Variants in DISC1 observed in about 807,000 individuals in gnomAD.
DISC1 encodes the protein DISC1 scaffold protein.
Under a neutral mutation model 84.5 loss-of-function variants are expected in DISC1, and 57 were observed. The observed-to-expected ratio is 0.67, with a 90% CI of 0.55 to 0.84. DISC1 has a LOEUF of 0.84. Among genes scored for constraint, DISC1 ranks in the 40% least tolerant of loss-of-function variants. DISC1 has a pLI of 0.00. For synonymous variants in DISC1, 411 were observed against 415.2 expected (o/e 0.99, Z 0.12); for missense variants, 1,000 against 1,057.8 (o/e 0.95, Z 0.76).
At chr1:231,746,853 T>C (rs780511858) in intron 3 of DISC1, among the ~76,000 whole-genome samples, 21 of 152,220 alleles carry the variant, frequency 1.4e-4, no homozygotes, top group Non-Finnish European at 2.5e-4. Context: ...TTCTGGATAG[T>C]AATCCCCTGT....
chr1:231,854,622 C>G (rs1263321564), intron 9 of DISC1: 1 of 152,370 alleles, frequency 6.6e-6, no homozygotes, highest in African/African-American at 2.4e-5. Flanking sequence ...AGTTTGTATC[C>G]TAGACTTCAA....
chr1:231,686,703 T>C (rs1436243148), intron 1 of DISC1, among the ~76,000 whole-genome samples: 1 of 152,222 alleles, frequency 6.6e-6, no homozygotes, highest in Admixed American at 6.5e-5. Flanking sequence ...CTTATGCAAA[T>C]TCCTGCAGCT....
Position 231,959,419 on chromosome 1 carries a change from G to T in DISC1, c.2042+531G>T, listed in dbSNP as rs746440470. ...GCATGACAAGATGTTTCTGGCTTTT[G>T]TGGATGTGTGCTTAGGAAAATAAAT... On this transcript the variant is annotated intron_variant, in intron 10 of 12. Transcript: ENST00000439617. 7.1e-6 allele frequency: 7 copies of T among 985,662 alleles called. No individual in the cohort carries two copies. In the East Asian group the frequency reaches 6.8e-4, roughly 95 times the overall value. 61.1% of individuals were successfully genotyped at this position (985,662 alleles called of 1,614,324 possible).
intron 12 of DISC1, among the ~76,000 whole-genome samples, chr1:232,029,023 C>T (rs1206725603): frequency 6.6e-6 from 1 of 152,080 alleles, no homozygotes; most frequent in Non-Finnish European, 1.5e-5. Context: ...CCTATTAGGC[C>T]CATCAGAAAG....
At chr1:231,803,524 C>T (rs2079447433) in intron 8 of DISC1, among the ~76,000 whole-genome samples, 1 of 152,116 alleles carries the variant, frequency 6.6e-6, no homozygotes, top group Non-Finnish European at 1.5e-5. Flanking sequence ...GATCTGCTTC[C>T]AAACTCATGC....
chr1:231,950,367 G>A (rs1408361659), intron 9 of DISC1, among the ~76,000 whole-genome samples: 2 of 152,088 alleles, frequency 1.3e-5, no homozygotes, highest in Non-Finnish European at 2.9e-5. Context: ...AAAAAATACT[G>A]TAAATTAATC....
intron 1 of DISC1, among the ~76,000 whole-genome samples, chr1:231,677,792 A>T (rs147367392): frequency 3.3e-5 from 5 of 152,342 alleles, no homozygotes; most frequent in African/African-American, 1.2e-4. Context: ...CAGCCTGACC[A>T]ATATGGTGAA....
chr1:231,911,407 A>G (rs182280172), intron 9 of DISC1, among the ~76,000 whole-genome samples: 1 of 152,250 alleles, frequency 6.6e-6, no homozygotes, highest in Admixed American at 6.5e-5. Context: ...CTTGTCTATA[A>G]AGAATTTTAT....
At chr1:231,756,581 G>T (rs1309618204) in intron 4 of DISC1, among the ~76,000 whole-genome samples, 1 of 149,292 alleles carries the variant, frequency 6.7e-6, no homozygotes, top group African/African-American at 2.5e-5. Flanking sequence ...TCACTTTATT[G>T]GGATTCAGTT....
intron 1 of DISC1, among the ~76,000 whole-genome samples, chr1:231,659,996 T>C (rs891394533): frequency 1.3e-5 from 2 of 152,194 alleles, no homozygotes; most frequent in Non-Finnish European, 2.9e-5. Flanking sequence ...ATCCACTTGA[T>C]CCAGGGCTGA....
chr1:231,978,072 G>T (rs191897041), intron 10 of DISC1, among the ~76,000 whole-genome samples: 576 of 151,908 alleles, frequency 3.8e-3, no homozygotes, highest in Middle Eastern at 0.014. Context: ...ATTCACATGT[G>T]GTTTTTTTTT....
chr1:231,822,607 T>A (rs1449292426), intron 9 of DISC1, among the ~76,000 whole-genome samples: 1 of 152,200 alleles, frequency 6.6e-6, no homozygotes, highest in African/African-American at 2.4e-5. Context: ...AGTCTCACAA[T>A]TTTTGAGCTT....
chr1:231,638,174 A>G (rs1386402053), intron 1 of DISC1, among the ~76,000 whole-genome samples: 1 of 152,090 alleles, frequency 6.6e-6, no homozygotes, highest in Non-Finnish European at 1.5e-5. Flanking sequence ...CACACTTTTT[A>G]ATGGAATTAT....
chr1:231,967,556 C>T (rs559460455), intron 10 of DISC1, among the ~76,000 whole-genome samples: 1 of 152,264 alleles, frequency 6.6e-6, no homozygotes, highest in Non-Finnish European at 1.5e-5. Flanking sequence ...TATTCATTTA[C>T]TTATGTTCTA....
At chr1:231,664,990 A>G (rs1267419115) in intron 1 of DISC1, among the ~76,000 whole-genome samples, 1 of 152,222 alleles carries the variant, frequency 6.6e-6, no homozygotes, top group East Asian at 1.9e-4. Context: ...CCATAAAATG[A>G]TACACACATC....
intron 8 of DISC1, among the ~76,000 whole-genome samples, chr1:231,808,190 G>A (rs1204624264): frequency 6.6e-6 from 1 of 152,194 alleles, no homozygotes; most frequent in African/African-American, 2.4e-5. Flanking sequence ...AGAATCTCTA[G>A]GGATTTTTCC....
At chr1:231,659,486 T>C (rs2061406268) in intron 1 of DISC1, among the ~76,000 whole-genome samples, 4 of 152,146 alleles carry the variant, frequency 2.6e-5, no homozygotes. Context: ...CTTCACTTAT[T>C]ATGCCCTCAT....
Position 231,826,152 on chromosome 1 carries a change from C to T in DISC1, c.1981+7635C>T, listed in dbSNP as rs77850424. 0.021 allele frequency among the ~76,000 whole-genome samples: 3,169 copies of T among 152,296 alleles called. 101 individuals carry two copies. Among genetic ancestry groups the T allele is most frequent in the African/African-American group, 0.071 (2,969 of 41,550 alleles). On this transcript the variant is annotated intron_variant, in intron 9 of 12. Transcript: ENST00000439617. The surrounding 1 kb of genome is among the most constrained non-coding windows in gnomAD (Gnocchi z 4.2). Reference sequence around the variant, plus strand: ...CTCTGGACCACTGTGGTACTGGCTCCACTGGAATCTCTGTTTTACCGATGA... The same window carrying T: ...CTCTGGACCACTGTGGTACTGGCTCTACTGGAATCTCTGTTTTACCGATGA...
intron 9 of DISC1, among the ~76,000 whole-genome samples, chr1:231,881,553 A>C (rs561688122): frequency 1.3e-5 from 2 of 152,204 alleles, no homozygotes; most frequent in Admixed American, 1.3e-4. Context: ...CTATCCCCAA[A>C]TAAGTTCCCA....
Sources: gnomAD v4.1 joint callset for allele counts (sites outside exome capture counted in the v4.1 genomes callset) on GRCh38, gnomAD v4.1.1 for gene constraint, Gnocchi (gnomAD v3.1) non-coding constraint, MANE v1.5 for transcripts, NCBI Gene and HGNC (gene_info 2026-07-23, HGNC 2026-07-21) for gene names.